CDCP1: variants seen among roughly 807,000 people sequenced by gnomAD.
CDCP1 encodes the protein CUB domain containing protein 1.
A neutral mutation model predicts 60.2 loss-of-function variants in CDCP1; 29 were observed. The ratio of observed to expected loss-of-function variants is 0.48; its 90% CI spans 0.36 to 0.66. CDCP1 has a LOEUF of 0.66. Among genes scored for constraint, CDCP1 ranks in the 30% least tolerant of loss-of-function variants. CDCP1 has a pLI of 0.00. For missense variants in CDCP1, 876 were observed against 1,074.3 expected (o/e 0.82, Z 2.58); for synonymous variants, 387 against 431.1 (o/e 0.90, Z 1.27).
Position 45,140,952 on chromosome 3 carries a change from G to A in CDCP1, c.82+5254C>T, listed in dbSNP as rs145956966. ...GTGGTGGCTCACGCCTATAATTCCAGCACTTTGGCAGAGCGAGGTGGGTGG... is the reference window on the plus strand; with the variant it reads ...GTGGTGGCTCACGCCTATAATTCCAACACTTTGGCAGAGCGAGGTGGGTGG... On this transcript the variant is annotated intron_variant, in intron 1 of 8. Coordinates refer to ENST00000296129, the MANE Select transcript of CDCP1 (RefSeq NM_022842.5). Among the ~76,000 whole-genome samples, 843 of 152,302 alleles carry A rather than the reference G, an allele frequency of 5.5e-3. 8 individuals are homozygous for A. Among genetic ancestry groups the A allele is most frequent in the African/African-American group, 0.019 (787 of 41,562 alleles).
At chr3:45,104,294 T>C (rs1698527616) in intron 4 of CDCP1, among the ~76,000 whole-genome samples, 1 of 152,200 alleles carries the variant, frequency 6.6e-6, no homozygotes. Flanking sequence ...TATTTTGCAT[T>C]TGCACCTCAT....
rs1234625370 is a variant in CDCP1 at position 45,082,487 on chromosome 3, T to C, written c.*3151A>G. On this transcript the variant is annotated 3_prime_UTR_variant, in exon 9 of 9. Coordinates refer to ENST00000296129, the MANE Select transcript of CDCP1 (RefSeq NM_022842.5). Reference sequence around the variant, plus strand: ...GGCCTCTACTGAACCAGGGGACAAGTAGCCGAAGCACTTAAACAGCTTGAT... The same window carrying C: ...GGCCTCTACTGAACCAGGGGACAAGCAGCCGAAGCACTTAAACAGCTTGAT... 6.6e-6 allele frequency: 1 copy of C among 152,218 alleles called. No individual in the cohort carries two copies. The highest frequency in any genetic ancestry group is 1.5e-5 in the Non-Finnish European group (1 of 68,046). The allele number at this position is 152,218 out of a possible 1,614,324, so 9.4% of individuals were successfully genotyped here.
chr3:45,095,627 G>T, intron 4 of CDCP1, 59 bp from the exon 5 acceptor site: 2 of 1,452,622 alleles, frequency 1.4e-6, no homozygotes, highest in Non-Finnish European at 1.9e-6. Context: ...ACGGGAAATG[G>T]CAAAAATTGG....
chr3:45,101,308 C>T (rs1026427969), intron 4 of CDCP1, among the ~76,000 whole-genome samples: 10 of 152,226 alleles, frequency 6.6e-5, no homozygotes, highest in African/African-American at 1.7e-4. Flanking sequence ...ACTACCATTT[C>T]GCAGACAAAC....
chr3:45,105,654 C>T (rs570878681), intron 4 of CDCP1, among the ~76,000 whole-genome samples: 31 of 152,242 alleles, frequency 2.0e-4, no homozygotes, highest in African/African-American at 7.2e-4. Flanking sequence ...AGAAGGCTCT[C>T]CCTAAAGCCT....
chr3:45,141,925 G>A (rs1276014969), intron 1 of CDCP1, among the ~76,000 whole-genome samples: 3 of 152,086 alleles, frequency 2.0e-5, no homozygotes, highest in African/African-American at 4.8e-5. Flanking sequence ...TCTGCCCCCC[G>A]GGTTCAAGCG....
intron 1 of CDCP1, among the ~76,000 whole-genome samples, chr3:45,144,454 C>A (rs1212645270): frequency 6.6e-6 from 1 of 152,278 alleles, no homozygotes; most frequent in Non-Finnish European, 1.5e-5. Flanking sequence ...CTTAAGAAAG[C>A]GAAAGGGAAA....
chr3:45,085,758 G>A lies in CDCP1; in HGVS notation c.2391C>T (p.Ser797=). ...ACGGTTCACTCTCAGACTCAGGAGG[G>A]GAGCGAGGAGGTGGCTCCTCAGTGG... ...KLATEEPPPR[S]PPESESEPYT... Residue 797 remains serine, a synonymous_variant, in exon 9 of 9, where the codon TCC becomes TCT. Coordinates refer to ENST00000296129, the MANE Select transcript of CDCP1 (RefSeq NM_022842.5). The surrounding 1 kb of genome is among the most constrained non-coding windows in gnomAD (Gnocchi z 4.2). 1 of 1,614,166 alleles carries A rather than the reference G, an allele frequency of 6.2e-7. No individual in the cohort carries two copies. The highest frequency in any genetic ancestry group is 8.5e-7 in the Non-Finnish European group (1 of 1,180,022).
rs1698135092 is a variant in CDCP1 at position 45,083,419 on chromosome 3, C to G, written c.*2219G>C. On this transcript the variant is annotated 3_prime_UTR_variant, in exon 9 of 9. Transcript: ENST00000296129. ...ATTCCTTTCATTTATGCCATGTGAACAAGTTGAGGCGGTGCATTTCCAAGG... is the reference window on the plus strand; with the variant it reads ...ATTCCTTTCATTTATGCCATGTGAAGAAGTTGAGGCGGTGCATTTCCAAGG... The G allele has an allele frequency of 6.6e-6, 1 of 152,184 alleles. No individual in the cohort carries two copies. The highest frequency in any genetic ancestry group is 6.5e-5 in the Admixed American group (1 of 15,286). 9.4% of individuals were successfully genotyped at this position (152,184 alleles called of 1,614,324 possible).
Position 45,085,813 on chromosome 3 carries a change from A to G in CDCP1, c.2336T>C (p.Ile779Thr). 1 of 1,614,044 alleles carries G rather than the reference A, an allele frequency of 6.2e-7. No individual in the cohort carries two copies. The highest frequency in any genetic ancestry group is 8.5e-7 in the Non-Finnish European group (1 of 1,179,984). The change falls in exon 9 of 9, where the codon ATA becomes ACA. Residue 779 changes from isoleucine to threonine, a missense_variant. Physicochemically the swap from Ile to Thr is moderately conservative, Grantham distance 89. Transcript: ENST00000296129. The surrounding 1 kb of genome is among the most constrained non-coding windows in gnomAD (Gnocchi z 4.2). ...MGVCPPSPPT[I>T]CSRAPTAKLA... ...CTTTGCAGTTGGGGCCCTGGAGCAT[A>G]TGGTGGGTGGGGAGGGAGGACAGAC...
At chr3:45,107,213 C>CTT (rs546623663) in intron 4 of CDCP1, among the ~76,000 whole-genome samples, 1 of 147,432 alleles carries the variant, frequency 6.8e-6, no homozygotes, top group Non-Finnish European at 1.5e-5. Flanking sequence ...TCCTTTCTTT[C>CTT]TTTTTTTTTT....
Position 45,083,589 on chromosome 3 carries a change from C to G in CDCP1, c.*2049G>C, listed in dbSNP as rs1374504413. 6.6e-6 allele frequency: 1 copy of G among 152,136 alleles called. No homozygotes were observed. Among genetic ancestry groups the G allele is most frequent in the African/African-American group, 2.4e-5 (1 of 41,412 alleles). The allele number at this position is 152,136 out of a possible 1,614,324, so 9.4% of individuals were successfully genotyped here. ...GCAGGGGTGAGGAAGCAAAAGTCCA[C>G]AGTTACTGGGCAGGTAATTGGTATA... On this transcript the variant is annotated 3_prime_UTR_variant, in exon 9 of 9. Transcript: ENST00000296129.
rs34795446 is a variant in CDCP1, at chr3:45,091,387, C to T, written c.1779G>A (p.Glu593=). The change falls in exon 7 of 9, where the codon GAG becomes GAA. Residue 593 remains glutamate (E), a synonymous_variant. Transcript: ENST00000296129. The surrounding 1 kb of genome is among the most constrained non-coding windows in gnomAD (Gnocchi z 4.8). ...DQVACLTFFK[E]RSGVVCQTGR... is the part of the protein sequence containing the mutation. ...CTGTCTGGCAGACCACGCCGCTCCG[C>T]TCCTTAAAGAAAGTCAGGCAGGCCA... is the stretch of plus-strand genomic sequence containing the variant. 344 of 1,614,174 alleles carry T rather than the reference C, an allele frequency of 2.1e-4. 1 individual carries two copies. The African/African-American group carries it at 4.1e-3, about 19-fold the overall frequency.
At chr3:45,143,512 C>T (rs1297429423) in intron 1 of CDCP1, among the ~76,000 whole-genome samples, 1 of 152,146 alleles carries the variant, frequency 6.6e-6, no homozygotes, top group Non-Finnish European at 1.5e-5. Flanking sequence ...TGGGATGATC[C>T]CATTTTTGGT....
rs1698979676 is a variant in CDCP1 at position 45,126,108 on chromosome 3, C to CTCTTTCTTTCTTTCTCTCTT, written c.83-7488_83-7487insAAGAGAGAAAGAAAGAAAGA. ...AACTGCTGCCATTCTTTGTCTCTCT[C>CTCTTTCTTTCTTTCTCTCTT]TCTTTCTTTCTTTCTTTCTTTCTTT... On this transcript the variant is annotated intron_variant, in intron 1 of 8. Coordinates refer to ENST00000296129, the MANE Select transcript of CDCP1 (RefSeq NM_022842.5). Among the ~76,000 whole-genome samples the CTCTTTCTTTCTTTCTCTCTT allele has an allele frequency of 1.0e-4, 11 of 110,074 alleles. No individual in the cohort carries two copies. The East Asian group carries it at 2.3e-3, about 23-fold the overall frequency. 72.2% of individuals were successfully genotyped at this position (110,074 alleles called of 152,430 possible).
chr3:45,144,908 G>T (rs991115326), intron 1 of CDCP1, among the ~76,000 whole-genome samples: 3 of 152,118 alleles, frequency 2.0e-5, no homozygotes, highest in African/African-American at 7.2e-5. Flanking sequence ...ACTTTGGGAG[G>T]CCCAGGTGGG....
intron 1 of CDCP1, among the ~76,000 whole-genome samples, chr3:45,134,222 T>C (rs925412883): frequency 3.9e-5 from 6 of 152,022 alleles, no homozygotes; most frequent in African/African-American, 1.4e-4. Context: ...CCTCCGGGGT[T>C]CACATCATTC....
At chr3:45,102,642 T>TA (rs770440044) in intron 4 of CDCP1, among the ~76,000 whole-genome samples, 1,298 of 122,280 alleles carry the variant, frequency 0.011, 16 homozygotes, top group African/African-American at 0.033. Context: ...CTGTTTCTAC[T>TA]AAAAAAAAAA....
intron 1 of CDCP1, 72 bp from the exon 2 acceptor site, chr3:45,118,693 A>G (rs1452709675): frequency 2.4e-6 from 3 of 1,248,012 alleles, no homozygotes; most frequent in South Asian, 2.5e-5. Flanking sequence ...CCCGACCCCA[A>G]TCTGGTTCAG....
Sources: allele counts gnomAD v4.1 joint callset (sites outside exome capture counted in the v4.1 genomes callset), GRCh38; gene constraint gnomAD v4.1.1; non-coding constraint Gnocchi (gnomAD v3.1); transcripts MANE v1.5; gene names NCBI Gene and HGNC (gene_info 2026-07-23, HGNC 2026-07-21).